The following USP40 variants were observed in gnomAD, a reference collection of about 807,000 sequenced individuals.
USP40 encodes ubiquitin carboxyl-terminal hydrolase 40.
Under a neutral mutation model 166.2 loss-of-function variants are expected in USP40, and 143 were observed. The ratio of observed to expected loss-of-function variants is 0.86; its 90% confidence interval spans 0.75 to 0.99. The LOEUF (loss-of-function observed/expected upper bound fraction) is 0.99, where lower values mean the gene tolerates loss of function less well. USP40 is among the 50% of genes least tolerant of loss of function. The pLI is 0.00. For synonymous variants in USP40, 498 were observed against 524.0 expected, an observed-to-expected ratio of 0.95 and a Z score of 0.68; for missense variants, 1,444 against 1,479.7, an observed-to-expected ratio of 0.98 and a Z score of 0.40.
In USP40 at chr2:233,485,827, C is replaced by T; in HGVS notation, c.3348G>A (p.Glu1116=). 1 of 1,611,934 alleles carries T rather than the reference C, an allele frequency of 6.2e-7. No homozygotes were observed. Among genetic ancestry groups the T allele is most frequent in the South Asian group, 1.1e-5 (1 of 90,358 alleles). Residue 1116 remains glutamate, a synonymous_variant, in exon 29 of 32, where the codon GAG becomes GAA. Coordinates refer to ENST00000678225, the MANE Select transcript of USP40 (RefSeq NM_001365479.2). ...GAAAGTATTTGGCAATTTCAATCTT[C>T]TCCACGGGAAGACGATAGAAATCGG... ...RVADFYRLPV[E]KIEIAKYFPE... is the part of the protein sequence containing the mutation.
Position 233,540,777 on chromosome 2 carries a change from G to C in USP40, c.1063-8C>G, listed in dbSNP as rs767609000. 6.3e-7 allele frequency: 1 copy of C among 1,597,724 alleles called. No homozygotes were observed. On this transcript the variant is annotated splice_region_variant and splice_polypyrimidine_tract_variant and intron_variant, in intron 9 of 31. Coordinates refer to ENST00000678225, the MANE Select transcript of USP40 (RefSeq NM_001365479.2). ...AATTAGATTATTCTCCTCCTTATGA[G>C]AGAAACACAGTCACTCAAGAAAATC...
intron 21 of USP40, among the ~76,000 whole-genome samples, chr2:233,504,854 C>G (rs139273941): frequency 2.0e-5 from 3 of 151,910 alleles, no homozygotes; most frequent in African/African-American, 7.2e-5. Context: ...ATAGACCAAA[C>G]GGAGCTAACA....
At chr2:233,535,999 T>C (rs2068908589) in intron 10 of USP40, among the ~76,000 whole-genome samples, 1 of 152,124 alleles carries the variant, frequency 6.6e-6, no homozygotes, top group Non-Finnish European at 1.5e-5. Context: ...TATAAATATA[T>C]ACAACTAAAA....
At chr2:233,526,376 C>T (rs2068035089) in intron 13 of USP40, among the ~76,000 whole-genome samples, 1 of 152,078 alleles carries the variant, frequency 6.6e-6, no homozygotes, top group Non-Finnish European at 1.5e-5. Flanking sequence ...CAGATTCCCA[C>T]ATCTGCCTGT....
intron 31 of USP40, 50 bp from the exon 32 acceptor site, chr2:233,477,553 G>A: frequency 2.0e-6 from 3 of 1,522,152 alleles, no homozygotes; most frequent in African/African-American, 2.7e-5. Flanking sequence ...GTGGGTGTCA[G>A]GGTGAGGGGT....
intron 23 of USP40, 44 bp downstream of exon 23, chr2:233,498,502 CAT>C: frequency 6.4e-7 from 1 of 1,560,668 alleles, no homozygotes; most frequent in Non-Finnish European, 8.8e-7. Flanking sequence ...GAAAATATGA[CAT>C]AAATGTAATC....
In USP40 at chr2:233,485,822, A is replaced by G. The variant is rs201639376; in HGVS notation, c.3353T>C (p.Ile1118Thr). 462 of 1,612,070 alleles carry G rather than the reference A, an allele frequency of 2.9e-4. 2 individuals are homozygous for G. The highest frequency in any genetic ancestry group is 3.5e-4 in the Non-Finnish European group (416 of 1,179,414). The change falls in exon 29 of 32, where the codon ATT becomes ACT. Residue 1118 changes from isoleucine to threonine, a missense_variant. By Grantham distance (89) the Ile-to-Thr change is moderately conservative. Transcript: ENST00000678225. ...ADFYRLPVEK[I>T]EIAKYFPEKF... ...TTCGGGAAAGTATTTGGCAATTTCA[A>G]TCTTCTCCACGGGAAGACGATAGAA... is the stretch of plus-strand genomic sequence containing the variant.
intron 26 of USP40, 174 bp downstream of exon 26, chr2:233,490,993 C>T (rs1372850901): frequency 2.8e-6 from 2 of 713,178 alleles, no homozygotes; most frequent in Non-Finnish European, 5.2e-6. Context: ...CACGAGGAGC[C>T]GTCTGCACCA....
intron 14 of USP40, 99 bp downstream of exon 14, chr2:233,525,379 T>A: frequency 1.3e-6 from 1 of 744,130 alleles, no homozygotes; most frequent in African/African-American, 1.7e-5. Context: ...AAGAAAGTAG[T>A]AGGTGGGGAA....
intron 17 of USP40, among the ~76,000 whole-genome samples, chr2:233,520,177 T>A (rs2067554179): frequency 6.6e-6 from 1 of 152,096 alleles, no homozygotes; most frequent in Non-Finnish European, 1.5e-5. Context: ...CCTAATTTCC[T>A]CTAGGATACA....
At position 233,480,780 on chromosome 2, in the gene USP40, C is replaced by T. The variant is rs1233482579; in HGVS notation, c.3599+423G>A. 6.6e-5 allele frequency among the ~76,000 whole-genome samples: 10 copies of T among 152,216 alleles called. No individual in the cohort carries two copies. Among genetic ancestry groups the T allele is most frequent in the Non-Finnish European group, 1.2e-4 (8 of 68,006 alleles). On this transcript the variant is annotated intron_variant, in intron 31 of 31. Transcript: ENST00000678225. The surrounding 1 kb of genome is among the most constrained non-coding windows in gnomAD (Gnocchi z 4.5). The stretch of plus-strand genomic sequence containing the variant: ...GCGTCCCCTGGAGTGGCCAGGCTCT[C>T]GGGAACCTTGGAGAGAGCGGGAGAA...
In USP40 at chr2:233,551,408, G is replaced by A; in HGVS notation, c.805C>T (p.Leu269Phe). The change falls in exon 7 of 32, where the codon CTC (leucine) becomes TTC (phenylalanine). Residue 269 changes from leucine to phenylalanine, a missense_variant. Physicochemically the swap from Leu to Phe is conservative, Grantham distance 22 (BLOSUM62 0). Coordinates refer to ENST00000678225, the MANE Select transcript of USP40 (RefSeq NM_001365479.2). Reference sequence around the variant, plus strand: ...CAAAAGGGCTTGAGATTAATCCGGAGAGGGAATGTATAACAGCTAGTTTCC... The same window carrying A: ...CAAAAGGGCTTGAGATTAATCCGGAAAGGGAATGTATAACAGCTAGTTTCC... ...YKETSCYTFP[L>F]RINLKPFCEQ... 2 of 1,611,384 alleles carry A rather than the reference G, an allele frequency of 1.2e-6. No individual in the cohort carries two copies. The highest frequency in any genetic ancestry group is 2.2e-5 in the East Asian group (1 of 44,834).
chr2:233,490,160 CTTTTTTT>C lies in USP40; in HGVS notation c.3013-684_3013-678del, dbSNP rs545796570. ...AAGGCTGTCTGCTTTTTCTTTTCTC[CTTTTTTT>C]TTTTTTTTTTTTTTGAGACGGAGTC... On this transcript the variant is annotated intron_variant, in intron 26 of 31. Coordinates refer to ENST00000678225, the MANE Select transcript of USP40 (RefSeq NM_001365479.2). Among the ~76,000 whole-genome samples the C allele has an allele frequency of 2.9e-4, 38 of 131,682 alleles. 2 individuals carry two copies. The highest frequency in any genetic ancestry group is 2.0e-3 in the Admixed American group (25 of 12,798). 86.4% of individuals were successfully genotyped at this position (131,682 alleles called of 152,430 possible).
intron 5 of USP40, among the ~76,000 whole-genome samples, chr2:233,555,312 T>C (rs2070967737): frequency 6.6e-6 from 1 of 152,242 alleles, no homozygotes; most frequent in East Asian, 1.9e-4. Flanking sequence ...ACAATATTTC[T>C]AGTAATAAGC....
chr2:233,491,977 T>C (rs949357494), intron 25 of USP40, among the ~76,000 whole-genome samples: 2 of 152,214 alleles, frequency 1.3e-5, no homozygotes, highest in Non-Finnish European at 2.9e-5. Context: ...GTCAACTAAG[T>C]GCATGAGAAG....
intron 15 of USP40, among the ~76,000 whole-genome samples, chr2:233,523,935 G>A (rs974870169): frequency 2.6e-5 from 4 of 152,084 alleles, no homozygotes; most frequent in African/African-American, 9.7e-5. Context: ...TTCTTCACAC[G>A]ACGAGGGCCT....
rs1322861026 is a variant in USP40, at chr2:233,477,312, C to G, written c.*80G>C. 1 of 1,332,416 alleles carries G rather than the reference C, an allele frequency of 7.5e-7. No homozygotes were observed. 82.5% of individuals were successfully genotyped at this position (1,332,416 alleles called of 1,614,324 possible). On this transcript the variant is annotated 3_prime_UTR_variant, in exon 32 of 32. Coordinates refer to ENST00000678225, the MANE Select transcript of USP40 (RefSeq NM_001365479.2). The stretch of plus-strand genomic sequence containing the variant: ...ATTTGGGATTGGAGGCGCCAGGCAG[C>G]CAGTCCCCATGCCCAGGAAACCCAC...
chr2:233,549,702 T>C (rs1023326096), intron 7 of USP40, among the ~76,000 whole-genome samples: 2 of 152,086 alleles, frequency 1.3e-5, no homozygotes, highest in Non-Finnish European at 2.9e-5. Context: ...TAGGTTGTCA[T>C]GTGCCTCAAA....
At chr2:233,550,175 A>G (rs956795905) in intron 7 of USP40, among the ~76,000 whole-genome samples, 1 of 152,140 alleles carries the variant, frequency 6.6e-6, no homozygotes, top group African/African-American at 2.4e-5. Context: ...TTAAAATATT[A>G]AACTTTTTAA....
Sources: gnomAD v4.1 joint callset for allele counts (sites outside exome capture counted in the v4.1 genomes callset) on GRCh38, gnomAD v4.1.1 for gene constraint, Gnocchi (gnomAD v3.1) non-coding constraint, MANE v1.5 for transcripts, NCBI Gene and HGNC (gene_info 2026-07-23, HGNC 2026-07-21) for gene names.